The following CDH13 variants were observed in gnomAD, a reference collection of about 807,000 sequenced individuals.
CDH13 encodes cadherin 13.
CDH13 carries 24 observed loss-of-function variants against 63.8 expected under a neutral mutation model. The ratio of observed to expected loss-of-function variants is 0.38; its 90% CI spans 0.27 to 0.53. The LOEUF is 0.53. Ranked by LOEUF, CDH13 falls within the 20% of genes least tolerant of loss-of-function variation. The pLI is 0.85. For missense variants in CDH13, 1,049 were observed against 903.1 expected (o/e 1.16, Z -2.07); for synonymous variants, 503 against 355.3 (o/e 1.42, Z -4.67).
intron 5 of CDH13, among the ~76,000 whole-genome samples, chr16:83,336,033 G>T (rs565668778): frequency 2.8e-4 from 42 of 152,180 alleles, no homozygotes; most frequent in African/African-American, 8.2e-4. Context: ...AGGCATGGTA[G>T]CTCACACCTG....
At chr16:83,744,409 T>C (rs2150967176) in intron 10 of CDH13, among the ~76,000 whole-genome samples, 2 of 152,364 alleles carry the variant, frequency 1.3e-5, no homozygotes, top group East Asian at 3.9e-4. Context: ...CTGGTGTTTT[T>C]AAAGCAGTTC....
At chr16:82,780,732 A>G (rs1364249693) in intron 1 of CDH13, among the ~76,000 whole-genome samples, 1 of 152,264 alleles carries the variant, frequency 6.6e-6, no homozygotes, top group Non-Finnish European at 1.5e-5. Flanking sequence ...AAAACATAAC[A>G]GAGTGACTTT....
At chr16:83,481,415 C>T (rs902064055) in intron 6 of CDH13, among the ~76,000 whole-genome samples, 1 of 152,182 alleles carries the variant, frequency 6.6e-6, no homozygotes, top group Non-Finnish European at 1.5e-5. Flanking sequence ...TGAAAACCCC[C>T]CGTCACTCTC....
intron 1 of CDH13, among the ~76,000 whole-genome samples, chr16:82,665,701 C>G (rs1436382148): frequency 3.3e-5 from 5 of 152,028 alleles, no homozygotes; most frequent in Non-Finnish European, 7.4e-5. Flanking sequence ...CTGCCCAACT[C>G]CAGACAGGGA....
chr16:83,710,417 G>A (rs1907843859), intron 10 of CDH13: 1 of 152,178 alleles, frequency 6.6e-6, no homozygotes, highest in Admixed American at 6.5e-5. Context: ...GAAAAGCTAA[G>A]AGCATCTCAA....
chr16:83,674,252 A>G (rs902456828), intron 9 of CDH13, among the ~76,000 whole-genome samples: 1 of 152,214 alleles, frequency 6.6e-6, no homozygotes, highest in Non-Finnish European at 1.5e-5. Context: ...CAACAGTTCC[A>G]GGTGGCAGAG....
At chr16:83,483,997 G>T (rs2073831385) in intron 6 of CDH13, among the ~76,000 whole-genome samples, 2 of 152,146 alleles carry the variant, frequency 1.3e-5, no homozygotes, top group South Asian at 2.1e-4. Flanking sequence ...CTTGCCCTGA[G>T]ACCATCTCAC....
At chr16:82,980,248 G>A (rs1415177481) in intron 2 of CDH13, among the ~76,000 whole-genome samples, 2 of 152,160 alleles carry the variant, frequency 1.3e-5, no homozygotes, top group South Asian at 2.1e-4. Context: ...GAAGAAGCAA[G>A]GATAAACACC....
chr16:82,790,259 AC>A (rs2036233413), intron 1 of CDH13, among the ~76,000 whole-genome samples: 1 of 152,006 alleles, frequency 6.6e-6, no homozygotes, highest in Non-Finnish European at 1.5e-5. Flanking sequence ...GCAGGGTGAA[AC>A]CCCATCTCTA....
At chr16:83,034,114 C>G (rs4300637) in intron 3 of CDH13, among the ~76,000 whole-genome samples, 5 of 151,862 alleles carry the variant, frequency 3.3e-5, no homozygotes, top group African/African-American at 9.7e-5. Flanking sequence ...TGCAGAATAG[C>G]GAGGTTAAAC....
At chr16:82,890,422 C>G (rs920522208) in intron 2 of CDH13, among the ~76,000 whole-genome samples, 6 of 152,168 alleles carry the variant, frequency 3.9e-5, no homozygotes, top group Non-Finnish European at 7.3e-5. Flanking sequence ...ATTTCCAACC[C>G]TCTTTAAAAA....
At chr16:82,984,628 T>C (rs974772029) in intron 2 of CDH13, among the ~76,000 whole-genome samples, 2 of 152,230 alleles carry the variant, frequency 1.3e-5, no homozygotes, top group Admixed American at 1.3e-4. Context: ...TTGTAGCAAC[T>C]GTCTGAAGAA....
chr16:83,726,712 C>T (rs1910438066), intron 10 of CDH13, among the ~76,000 whole-genome samples: 1 of 152,258 alleles, frequency 6.6e-6, no homozygotes, highest in South Asian at 2.1e-4. Flanking sequence ...GAGGCGGGCC[C>T]CTGTAGTCCC....
At chr16:83,751,062 A>G (rs1334206248) in intron 11 of CDH13, among the ~76,000 whole-genome samples, 1 of 151,982 alleles carries the variant, frequency 6.6e-6, no homozygotes, top group East Asian at 1.9e-4. Flanking sequence ...GGAAGCTAGC[A>G]TGGCAGGTTC....
At chr16:82,743,445 TCTCAAACGATCCA>T (rs1366416658) in intron 1 of CDH13, among the ~76,000 whole-genome samples, 1 of 152,040 alleles carries the variant, frequency 6.6e-6, no homozygotes, top group Non-Finnish European at 1.5e-5. Flanking sequence ...CCCAGGATAG[TCTCAAACGATCCA>T]CTCACCCACT....
chr16:82,743,588 A>G (rs1196896359), intron 1 of CDH13, among the ~76,000 whole-genome samples: 1 of 152,224 alleles, frequency 6.6e-6, no homozygotes, highest in African/African-American at 2.4e-5. Flanking sequence ...ACATTAAAAT[A>G]TATTTTTCAC....
chr16:82,941,023 A>G (rs918655), intron 2 of CDH13, among the ~76,000 whole-genome samples: 54,360 of 151,962 alleles, frequency 0.36, 10,819 homozygotes, highest in African/African-American at 0.53. Flanking sequence ...TGGACAATAC[A>G]ACAAGCATAT....
chr16:83,726,785 C>T (rs1413161645), intron 10 of CDH13, among the ~76,000 whole-genome samples: 1 of 151,452 alleles, frequency 6.6e-6, no homozygotes, highest in Non-Finnish European at 1.5e-5. Context: ...TTGTAGTGAG[C>T]GGAGATGGCG....
chr16:82,946,091 A>G (rs927820619), intron 2 of CDH13, among the ~76,000 whole-genome samples: 2 of 151,978 alleles, frequency 1.3e-5, no homozygotes, highest in Non-Finnish European at 2.9e-5. Flanking sequence ...AGGGGACAGT[A>G]TAAGTCTTTC....
Sources: gnomAD v4.1 joint callset for allele counts (sites outside exome capture counted in the v4.1 genomes callset) on GRCh38, gnomAD v4.1.1 for gene constraint, MANE v1.5 for transcripts, NCBI Gene and HGNC (gene_info 2026-07-23, HGNC 2026-07-21) for gene names.